The following DSC1 variants were observed in gnomAD, a reference collection of about 807,000 sequenced individuals.
DSC1 encodes desmocollin-1.
Under a neutral mutation model 98.8 loss-of-function variants are expected in DSC1, and 79 were observed. The observed-to-expected ratio is 0.80, with a 90% CI of 0.67 to 0.96. The LOEUF (loss-of-function observed/expected upper bound fraction) is 0.96. Among genes scored for constraint, DSC1 ranks in the 50% least tolerant of loss-of-function variants. The pLI is 0.00. For missense variants in DSC1, 1,115 were observed against 1,075.9 expected (o/e 1.04, Z -0.51); for synonymous variants, 405 against 372.1 (o/e 1.09, Z -1.02).
At chr18:31,155,886 TG>T (rs1989087720) in intron 4 of DSC1, among the ~76,000 whole-genome samples, 156 bp downstream of exon 4, 3 of 152,206 alleles carry the variant, frequency 2.0e-5, no homozygotes, top group Admixed American at 2.0e-4. Flanking sequence ...TAAGATATAC[TG>T]GGTCACTTCT....
At chr18:31,135,319 A>G (rs1344971078) in intron 11 of DSC1, among the ~76,000 whole-genome samples, 1 of 152,104 alleles carries the variant, frequency 6.6e-6, no homozygotes, top group African/African-American at 2.4e-5. Flanking sequence ...GAATCTACTT[A>G]AATGTCACGT....
intron 5 of DSC1, among the ~76,000 whole-genome samples, chr18:31,149,384 A>C (rs184889721): frequency 1.2e-4 from 18 of 152,314 alleles, no homozygotes; most frequent in African/African-American, 3.6e-4. Flanking sequence ...TCCCTACTGT[A>C]ACCACTTCTA....
At chr18:31,159,848 A>C (rs2143937038) in intron 1 of DSC1, among the ~76,000 whole-genome samples, 1 of 152,334 alleles carries the variant, frequency 6.6e-6, no homozygotes, top group East Asian at 1.9e-4. Flanking sequence ...ACCATTCATA[A>C]ATGCCATTCT....
In DSC1 at chr18:31,157,385, C is replaced by T. The variant is rs1989118681; in HGVS notation, c.337G>A (p.Ala113Thr). 2 of 1,614,062 alleles carry T rather than the reference C, an allele frequency of 1.2e-6. No individual in the cohort carries two copies. Among genetic ancestry groups the T allele is most frequent in the Admixed American group, 1.7e-5 (1 of 60,010 alleles). Reference protein sequence around the residue: ...EQQEIKVVLSARENKSPKKRH... With the variant: ...EQQEIKVVLSTRENKSPKKRH... Reference sequence around the variant, plus strand: ...TTGCCTTATACCTTGTTTTCTCTTGCTGACAGTACAACTTTTATCTCTTGT... The same window carrying T: ...TTGCCTTATACCTTGTTTTCTCTTGTTGACAGTACAACTTTTATCTCTTGT... The change falls in exon 3 of 16, where the codon GCA becomes ACA. Residue 113 changes from alanine to threonine, a missense_variant. Coordinates refer to ENST00000257198, the MANE Select transcript of DSC1 (RefSeq NM_024421.2).
At chr18:31,148,714 G>A in intron 5 of DSC1, 72 bp from the exon 6 acceptor site, 1 of 1,377,400 alleles carries the variant, frequency 7.3e-7, no homozygotes, top group Non-Finnish European at 9.6e-7. Context: ...CCTAGCAGTG[G>A]GGGAAAATGT....
At chr18:31,136,203 A>G (rs1367474755) in intron 11 of DSC1, among the ~76,000 whole-genome samples, 2 of 152,136 alleles carry the variant, frequency 1.3e-5, no homozygotes, top group African/African-American at 4.8e-5. Flanking sequence ...AAAGTTGAAT[A>G]TAAGTAATAA....
intron 4 of DSC1, 27 bp downstream of exon 4, chr18:31,156,016 A>G (rs1989089966): frequency 6.2e-7 from 1 of 1,606,272 alleles, no homozygotes; most frequent in Non-Finnish European, 8.5e-7. Context: ...ATTTGGACAC[A>G]TATAAAATCA....
intron 9 of DSC1, 58 bp from the exon 10 acceptor site, chr18:31,140,359 A>G: frequency 1.3e-6 from 2 of 1,488,402 alleles, no homozygotes; most frequent in East Asian, 2.5e-5. Flanking sequence ...AAGACTTCTA[A>G]TTTCAAATTT....
In DSC1 at chr18:31,157,591, C is replaced by G. The variant is rs769794619; in HGVS notation, c.149-18G>C. 1 of 1,613,830 alleles carries G rather than the reference C, an allele frequency of 6.2e-7. No individual in the cohort carries two copies. The highest frequency in any genetic ancestry group is 8.5e-7 in the Non-Finnish European group (1 of 1,179,798). ...CAGATTCACTGCAGGGAAGAAATAT[C>G]ACAGCAGTTTGTCAGATGAAACAGG... is the stretch of plus-strand genomic sequence containing the variant. On this transcript the variant is annotated intron_variant, in intron 2 of 15. Coordinates refer to ENST00000257198, the MANE Select transcript of DSC1 (RefSeq NM_024421.2).
chr18:31,150,307 C>CACT (rs1471725009), intron 5 of DSC1, among the ~76,000 whole-genome samples: 4,184 of 137,132 alleles, frequency 0.031, 524 homozygotes, highest in East Asian at 0.076. Flanking sequence ...CCATCATCAC[C>CACT]ACCACTACTA....
rs1567998295 is a variant in DSC1, at chr18:31,139,798, T to G, written c.1613A>C (p.Lys538Thr). ...ATTGTATTGGTTGTTTTTTACAAAT[T>G]TGGATTCTCTATCTAGTACTTTTAG... ...RTLKVLDRESKFVKNNQYNIS... is the reference protein window; with the variant it reads ...RTLKVLDRESTFVKNNQYNIS... Residue 538 changes from lysine to threonine, a missense_variant, in exon 11 of 16, where the codon AAA becomes ACA. By Grantham distance (78) the Lys-to-Thr change is moderately conservative. Transcript: ENST00000257198. 2 of 1,611,476 alleles carry G rather than the reference T, an allele frequency of 1.2e-6. No individual in the cohort carries two copies. The highest frequency in any genetic ancestry group is 1.7e-6 in the Non-Finnish European group (2 of 1,179,102).
chr18:31,146,310 C>T (rs1336219012), intron 6 of DSC1, among the ~76,000 whole-genome samples: 1 of 152,138 alleles, frequency 6.6e-6, no homozygotes, highest in African/African-American at 2.4e-5. Flanking sequence ...CAATGTTCAG[C>T]TCTCACTTAT....
intron 9 of DSC1, among the ~76,000 whole-genome samples, chr18:31,141,448 G>A (rs552179732): frequency 1.3e-5 from 2 of 152,152 alleles, no homozygotes; most frequent in Admixed American, 6.5e-5. Flanking sequence ...ATTAGGTCCA[G>A]TTAAAGTAAT....
intron 11 of DSC1, among the ~76,000 whole-genome samples, chr18:31,138,207 A>C (rs1040996238): frequency 6.6e-6 from 1 of 152,060 alleles, no homozygotes. Flanking sequence ...AGCACCAAAA[A>C]ACAAAGTTAC....
chr18:31,154,998 G>C, intron 4 of DSC1, 69 bp from the exon 5 acceptor site: 2 of 1,550,866 alleles, frequency 1.3e-6, no homozygotes, highest in South Asian at 1.2e-5. Context: ...CTCTTGTGAT[G>C]GTTTATTTTT....
rs536432605 is a variant in DSC1 at position 31,161,491 on chromosome 18, G to A, written c.63+1041C>T. Among the ~76,000 whole-genome samples the A allele has an allele frequency of 5.9e-5, 9 of 152,188 alleles. 1 individual carries two copies. Among genetic ancestry groups the A allele is most frequent in the Admixed American group, 1.3e-4 (2 of 15,284 alleles). ...GTTGATGGTCCTCCCTCTGCAGGCA[G>A]AGCCACTGAAGGTTTCCATTCATTA... On this transcript the variant is annotated intron_variant, in intron 1 of 15. Transcript: ENST00000257198.
chr18:31,143,940 C>T (rs1988790266), intron 7 of DSC1, 149 bp from the exon 8 acceptor site: 1 of 563,630 alleles, frequency 1.8e-6, no homozygotes, highest in African/African-American at 2.0e-5. Flanking sequence ...GAGATGGGGT[C>T]TCACTGTCAC....
In DSC1 at chr18:31,132,551, T is replaced by A; in HGVS notation, c.2238+17A>T. 2 of 1,612,338 alleles carry A rather than the reference T, an allele frequency of 1.2e-6. No individual in the cohort carries two copies. The highest frequency in any genetic ancestry group is 2.2e-5 in the South Asian group (2 of 90,906). ...TTGTTCACCGTACAATTCAAAGGGATGTGAAATCTGATTTACCGTTACTTC... is the reference window on the plus strand; with the variant it reads ...TTGTTCACCGTACAATTCAAAGGGAAGTGAAATCTGATTTACCGTTACTTC... On this transcript the variant is annotated intron_variant, in intron 14 of 15. Coordinates refer to ENST00000257198, the MANE Select transcript of DSC1 (RefSeq NM_024421.2).
At position 31,156,176 on chromosome 18, in the gene DSC1, G is replaced by C; in HGVS notation, c.352-14C>G. On this transcript the variant is annotated splice_polypyrimidine_tract_variant and intron_variant, in intron 3 of 15. Coordinates refer to ENST00000257198, the MANE Select transcript of DSC1 (RefSeq NM_024421.2). ...CTTCTTAGGAGACTACATTTGACAA[G>C]AAACAAAGAAATGTAGCATTGCTTA... 3 of 1,594,950 alleles carry C rather than the reference G, an allele frequency of 1.9e-6. No homozygotes were observed. The South Asian group carries it at 3.5e-5, about 18-fold the overall frequency.
Sources: allele counts gnomAD v4.1 joint callset (sites outside exome capture counted in the v4.1 genomes callset), GRCh38; gene constraint gnomAD v4.1.1; transcripts MANE v1.5; gene names NCBI Gene and HGNC (gene_info 2026-07-23, HGNC 2026-07-21).